Variants in MRTFB observed in about 807,000 individuals in gnomAD.
The protein encoded by MRTFB is myocardin related transcription factor B, also known as myocardin-related transcription factor B.
A neutral mutation model predicts 104.2 loss-of-function variants in MRTFB; 29 were observed. That is an observed-to-expected ratio of 0.28 (90% CI 0.21 to 0.38). The LOEUF (loss-of-function observed/expected upper bound fraction) is 0.38. Among genes scored for constraint, MRTFB ranks in the 10% least tolerant of loss-of-function variants. The pLI, the probability that MRTFB is intolerant of heterozygous loss-of-function variation, is 1.00. For synonymous variants in MRTFB, 535 were observed against 519.5 expected (o/e 1.03, Z -0.41); for missense variants, 1,270 against 1,341.6 (o/e 0.95, Z 0.83).
At chr16:14,018,728 C>T in the MRTFB span, among the ~76,000 whole-genome samples, 7 of 152,240 alleles carry the variant, frequency 4.6e-5, no homozygotes, top group South Asian at 2.1e-4. Flanking sequence ...AGGATCATTG[C>T]GCTTTCAAAG....
chr16:14,078,808 C>T (rs767754540), intron 1 of MRTFB, among the ~76,000 whole-genome samples: 8 of 140,948 alleles, frequency 5.7e-5, no homozygotes, highest in Admixed American at 1.4e-4. Flanking sequence ...TATATAATAA[C>T]ATTATAATAA....
intron 2 of MRTFB, among the ~76,000 whole-genome samples, chr16:14,120,374 T>G (rs2036782882): frequency 6.6e-6 from 1 of 151,516 alleles, no homozygotes; most frequent in Non-Finnish European, 1.5e-5. Context: ...TCTAAGTACT[T>G]TGGGGTCATA....
intron 3 of MRTFB, among the ~76,000 whole-genome samples, chr16:14,168,328 G>A (rs1431642949): frequency 1.3e-5 from 2 of 151,992 alleles, no homozygotes; most frequent in African/African-American, 4.8e-5. Flanking sequence ...CTAAGTGCCC[G>A]AAACATTTAC....
intron 2 of MRTFB, among the ~76,000 whole-genome samples, chr16:14,111,757 C>T (rs1488987425): frequency 6.6e-6 from 1 of 152,176 alleles, no homozygotes; most frequent in Non-Finnish European, 1.5e-5. Flanking sequence ...TCATCGTTCA[C>T]TCCCTGGTTC....
chr16:14,226,461 G>T (rs1457875112), intron 8 of MRTFB, among the ~76,000 whole-genome samples: 1 of 152,064 alleles, frequency 6.6e-6, no homozygotes, highest in Admixed American at 6.6e-5. Context: ...AATGGTACTG[G>T]GAAAACTGGA....
At chr16:14,047,643 G>A in the MRTFB span, among the ~76,000 whole-genome samples, 1 of 152,170 alleles carries the variant, frequency 6.6e-6, no homozygotes, top group Non-Finnish European at 1.5e-5. Flanking sequence ...AGGCAGGAGA[G>A]ACTGAAAGCC....
intron 2 of MRTFB, among the ~76,000 whole-genome samples, chr16:14,139,345 A>G (rs921253590): frequency 6.6e-6 from 1 of 152,224 alleles, no homozygotes; most frequent in African/African-American, 2.4e-5. Context: ...GGAAATGCAA[A>G]TTAAAACCAC....
chr16:14,200,447 A>G, intron 3 of MRTFB: 3 of 1,610,114 alleles, frequency 1.9e-6, no homozygotes, highest in Non-Finnish European at 2.5e-6. Context: ...AAAAGTCAAA[A>G]TCAGACATCC....
Position 14,140,738 on chromosome 16 carries a change from C to A in MRTFB, c.132C>A (p.Pro44=), listed in dbSNP as rs774816463. 1.2e-6 allele frequency: 2 copies of A among 1,613,980 alleles called. No homozygotes were observed. Among genetic ancestry groups the A allele is most frequent in the South Asian group, 2.2e-5 (2 of 91,078 alleles). ...CCTTGCAGTCCAGTCAAAACTTACC[C>A]CCTCTGAACGAAAGGAAAAATGGTG... ...ELSLQSSQNL[P]PLNERKNVLQ... Residue 44 remains proline, a synonymous_variant, in exon 3 of 17, where the codon CCC becomes CCA. Transcript: ENST00000571589.
chr16:14,125,467 C>T (rs1310645573), intron 2 of MRTFB, among the ~76,000 whole-genome samples: 3 of 152,204 alleles, frequency 2.0e-5, no homozygotes, highest in South Asian at 2.1e-4. Context: ...TCAGCTGGAG[C>T]GGGCAGCTTG....
intron 3 of MRTFB, among the ~76,000 whole-genome samples, chr16:14,158,715 G>C (rs1031623766): frequency 1.3e-5 from 2 of 152,126 alleles, no homozygotes; most frequent in Non-Finnish European, 2.9e-5. Flanking sequence ...TGAGGGAATA[G>C]TTTTATTTTA....
At chr16:14,137,180 G>T (rs1597025574) in intron 2 of MRTFB, among the ~76,000 whole-genome samples, 1 of 152,128 alleles carries the variant, frequency 6.6e-6, no homozygotes, top group African/African-American at 2.4e-5. Flanking sequence ...TAGTTAAGTA[G>T]ACCTTAAGGT....
At chr16:14,202,243 C>T (rs573867567) in intron 3 of MRTFB, among the ~76,000 whole-genome samples, 95 of 152,224 alleles carry the variant, frequency 6.2e-4, no homozygotes, top group African/African-American at 2.2e-3. Context: ...GTGGACAATT[C>T]ACAAGACATC....
chr16:14,006,740 G>A, the MRTFB span, among the ~76,000 whole-genome samples: 4 of 151,960 alleles, frequency 2.6e-5, no homozygotes, highest in Non-Finnish European at 4.4e-5. Context: ...TATTAGCTGG[G>A]TGTGGTGGCT....
chr16:14,028,206 C>CAACAAAACAAAACAA, the MRTFB span, among the ~76,000 whole-genome samples: 5,410 of 151,294 alleles, frequency 0.036, 134 homozygotes, highest in South Asian at 0.075. Flanking sequence ...AAACACAACA[C>CAACAAAACAAAACAA]AACAAAACAA....
the MRTFB span, among the ~76,000 whole-genome samples, chr16:14,010,038 G>A: frequency 1.3e-5 from 2 of 152,112 alleles, no homozygotes; most frequent in African/African-American, 4.8e-5. Context: ...AGGAGAGTGG[G>A]AGTTCCAAAG....
intron 8 of MRTFB, among the ~76,000 whole-genome samples, chr16:14,226,345 A>G (rs2042001085): frequency 6.6e-6 from 1 of 152,236 alleles, no homozygotes; most frequent in African/African-American, 2.4e-5. Context: ...TTGGCATAAG[A>G]TAAATAGAAC....
chr16:14,192,642 T>C (rs933221266), intron 3 of MRTFB, among the ~76,000 whole-genome samples: 12 of 152,140 alleles, frequency 7.9e-5, no homozygotes, highest in African/African-American at 2.9e-4. Context: ...TAAATGATAG[T>C]AGAAGTTAAA....
intron 2 of MRTFB, chr16:14,092,624 C>G (rs2035146994): frequency 6.6e-6 from 1 of 150,678 alleles, no homozygotes; most frequent in Admixed American, 6.6e-5. Context: ...TATGATTAGA[C>G]TTGTGATAGA....
Sources: allele counts gnomAD v4.1 joint callset (sites outside exome capture counted in the v4.1 genomes callset), GRCh38; gene constraint gnomAD v4.1.1; transcripts MANE v1.5; gene names NCBI Gene and HGNC (gene_info 2026-07-23, HGNC 2026-07-21).